The following ST8SIA1 variants were observed in gnomAD, a reference collection of about 807,000 sequenced individuals.
The protein encoded by ST8SIA1 is ST8 alpha-N-acetyl-neuraminide alpha-2,8-sialyltransferase 1.
A neutral mutation model predicts 35.9 loss-of-function variants in ST8SIA1; 16 were observed. That is an observed-to-expected ratio of 0.45 (90% CI 0.30 to 0.68). The LOEUF (loss-of-function observed/expected upper bound fraction) is 0.68. Ranked by LOEUF, ST8SIA1 falls within the 30% of genes least tolerant of loss-of-function variation. The probability of loss-of-function intolerance (pLI) is 0.09; values close to 1 mark genes in which losing one functional copy is unlikely to be tolerated. For missense variants in ST8SIA1, 383 were observed against 453.6 expected, an observed-to-expected ratio of 0.84 and a Z score of 1.41; for synonymous variants, 170 against 169.6, an observed-to-expected ratio of 1.00 and a Z score of -0.02.
chr12:22,288,640 T>C (rs1265739638), intron 1 of ST8SIA1, among the ~76,000 whole-genome samples: 2 of 152,134 alleles, frequency 1.3e-5, no homozygotes, highest in African/African-American at 4.8e-5. Flanking sequence ...GGCTTTGCCT[T>C]CGTGAAGGTT....
At chr12:22,298,887 T>C (rs1866281364) in intron 1 of ST8SIA1, among the ~76,000 whole-genome samples, 2 of 152,168 alleles carry the variant, frequency 1.3e-5, no homozygotes, top group African/African-American at 4.8e-5. Context: ...AGGAGAAGCA[T>C]AGGCTTAGAA....
chr12:22,289,213 G>C (rs1178270545), intron 1 of ST8SIA1, among the ~76,000 whole-genome samples: 2 of 152,156 alleles, frequency 1.3e-5, no homozygotes, highest in African/African-American at 4.8e-5. Flanking sequence ...TAAATTTTTA[G>C]TTCCTATCCC....
chr12:22,251,279 G>T (rs904700794), intron 3 of ST8SIA1, among the ~76,000 whole-genome samples: 2 of 152,084 alleles, frequency 1.3e-5, no homozygotes, highest in African/African-American at 4.8e-5. Context: ...AAACAAACTG[G>T]TTTTCATGAG....
At chr12:22,243,791 G>A (rs768102906) in intron 4 of ST8SIA1, among the ~76,000 whole-genome samples, 13 of 152,148 alleles carry the variant, frequency 8.5e-5, no homozygotes, top group Non-Finnish European at 1.5e-4. Flanking sequence ...CAGCACTTTG[G>A]GAGGATGAGG....
chr12:22,300,602 G>A (rs1866307305), intron 1 of ST8SIA1, among the ~76,000 whole-genome samples: 3 of 152,018 alleles, frequency 2.0e-5, no homozygotes, highest in Admixed American at 1.3e-4. Flanking sequence ...AGTTTCATTG[G>A]CTTCGTGCTG....
chr12:22,226,503 C>T (rs1865359539), intron 4 of ST8SIA1, among the ~76,000 whole-genome samples: 2 of 147,074 alleles, frequency 1.4e-5, no homozygotes, highest in Admixed American at 1.4e-4. Flanking sequence ...GCTGTTAAAA[C>T]TTTTTTTTTT....
At chr12:22,282,036 TA>T (rs1866043775) in intron 2 of ST8SIA1, among the ~76,000 whole-genome samples, 1 of 152,052 alleles carries the variant, frequency 6.6e-6, no homozygotes, top group Non-Finnish European at 1.5e-5. Flanking sequence ...AAAATAAATT[TA>T]AAAAATGAAA....
chr12:22,316,566 T>C (rs770917488), intron 1 of ST8SIA1, among the ~76,000 whole-genome samples: 2 of 152,180 alleles, frequency 1.3e-5, no homozygotes, highest in African/African-American at 2.4e-5. Flanking sequence ...GCACGATTCA[T>C]GACTCGAAGG....
Position 22,201,762 on chromosome 12 carries a change from A to G in ST8SIA1, c.861T>C (p.Cys287=), listed in dbSNP as rs1464227369. The change falls in exon 5 of 5, where the codon TGT becomes TGC. Residue 287 remains cysteine, a synonymous_variant. Coordinates refer to ENST00000396037, the MANE Select transcript of ST8SIA1 (RefSeq NM_003034.4). The stretch of plus-strand genomic sequence containing the variant: ...AGAAGCCATAGATGGCCACCTCTTC[A>G]CAGAGACCCAGAGCTGCGCTCACCA... ...LFLVSAALGL[C]EEVAIYGFWP... 6.2e-7 allele frequency: 1 copy of G among 1,614,028 alleles called. No homozygotes were observed. The highest frequency in any genetic ancestry group is 1.3e-5 in the African/African-American group (1 of 74,942).
intron 4 of ST8SIA1, chr12:22,223,868 A>G (rs1565570986): frequency 9.5e-7 from 1 of 1,048,470 alleles, no homozygotes; most frequent in Non-Finnish European, 1.2e-6. Flanking sequence ...GTGCAAAATA[A>G]TACTTAATTC....
intron 4 of ST8SIA1, among the ~76,000 whole-genome samples, chr12:22,202,250 C>T (rs542187875): frequency 2.0e-5 from 3 of 152,278 alleles, no homozygotes; most frequent in East Asian, 1.9e-4. Context: ...CTTCTTAAAA[C>T]GCAGTTAACA....
chr12:22,216,557 G>A (rs1865235567), intron 4 of ST8SIA1, among the ~76,000 whole-genome samples: 1 of 152,072 alleles, frequency 6.6e-6, no homozygotes, highest in Admixed American at 6.5e-5. Flanking sequence ...CCCTGAGCCT[G>A]GATTAGGTAT....
chr12:22,266,755 C>T (rs1311761600), intron 2 of ST8SIA1, among the ~76,000 whole-genome samples: 1 of 151,796 alleles, frequency 6.6e-6, no homozygotes, highest in Non-Finnish European at 1.5e-5. Context: ...TATGATTGTG[C>T]CACTGCATTG....
At chr12:22,324,136 T>C (rs1242157362) in intron 1 of ST8SIA1, among the ~76,000 whole-genome samples, 2 of 152,218 alleles carry the variant, frequency 1.3e-5, no homozygotes, top group African/African-American at 2.4e-5. Context: ...AGATCATTGG[T>C]TAAATACATT....
At chr12:22,218,712 C>T (rs1041367940) in intron 4 of ST8SIA1, among the ~76,000 whole-genome samples, 12 of 151,746 alleles carry the variant, frequency 7.9e-5, no homozygotes, top group Middle Eastern at 3.4e-3. Context: ...AGAATCTACT[C>T]GGGAGGCTGA....
chr12:22,327,608 G>A (rs1211306886), intron 1 of ST8SIA1, among the ~76,000 whole-genome samples: 1 of 152,156 alleles, frequency 6.6e-6, no homozygotes, highest in Non-Finnish European at 1.5e-5. Flanking sequence ...AGAAAAAGAA[G>A]GATGTGGCCC....
intron 4 of ST8SIA1, among the ~76,000 whole-genome samples, chr12:22,204,221 C>G (rs1301557995): frequency 1.3e-5 from 2 of 151,938 alleles, no homozygotes; most frequent in Non-Finnish European, 2.9e-5. Flanking sequence ...GAATTATTTC[C>G]TCTGTCTTCT....
At chr12:22,232,126 G>T (rs1409944763) in intron 4 of ST8SIA1, among the ~76,000 whole-genome samples, 2 of 152,074 alleles carry the variant, frequency 1.3e-5, no homozygotes, top group Non-Finnish European at 2.9e-5. Context: ...AGCTGGCAAG[G>T]GGGAAACGTG....
rs558239536 is a variant in ST8SIA1 at position 22,334,210 on chromosome 12, C to T, written c.23G>A (p.Arg8Gln). MSPCGRA[R>Q]RQTSRGAMAV... ...CATGGCCCCTCTGGACGTTTGTCGC[C>T]GGGCCCGCCCGCAGGGGCTCATCGC... Residue 8 changes from arginine to glutamine, a missense_variant, in exon 1 of 5, where the codon CGG becomes CAG. Coordinates refer to ENST00000396037, the MANE Select transcript of ST8SIA1 (RefSeq NM_003034.4). 6.2e-7 allele frequency: 1 copy of T among 1,612,774 alleles called. No homozygotes were observed. Among genetic ancestry groups the T allele is most frequent in the Non-Finnish European group, 8.5e-7 (1 of 1,179,502 alleles).
Sources: gnomAD v4.1 joint callset for allele counts (sites outside exome capture counted in the v4.1 genomes callset) on GRCh38, gnomAD v4.1.1 for gene constraint, MANE v1.5 for transcripts, NCBI Gene and HGNC (gene_info 2026-07-23, HGNC 2026-07-21) for gene names.